PCDHGA7: variants seen among roughly 807,000 people sequenced by gnomAD.
The protein encoded by PCDHGA7 is protocadherin gamma-A7.
Under a neutral mutation model 58.3 loss-of-function variants are expected in PCDHGA7, and 44 were observed. That is an observed-to-expected ratio of 0.75 (90% CI 0.59 to 0.97). The LOEUF (loss-of-function observed/expected upper bound fraction) is 0.97. Among genes scored for constraint, PCDHGA7 ranks in the 50% least tolerant of loss-of-function variants. PCDHGA7 has a pLI of 0.00. For missense variants in PCDHGA7, 1,266 were observed against 1,188.7 expected (o/e 1.06, Z -0.96); for synonymous variants, 516 against 504.2 (o/e 1.02, Z -0.31).
chr5:141,477,502 C>A lies in PCDHGA7; in HGVS notation c.2425-17305C>A, dbSNP rs2099412065. On this transcript the variant is annotated intron_variant, in intron 1 of 3. Coordinates refer to ENST00000518325, the MANE Select transcript of PCDHGA7 (RefSeq NM_018920.4). This position sits in a 1 kb window ranked among gnomAD's most constrained non-coding sequence, Gnocchi z 4.9. ...CTCCACAATCTTCTCAATCTTCCTA[C>A]GACGTTTACATTGAAGAAAACAACC... The A allele has an allele frequency of 9.3e-6, 15 of 1,614,026 alleles. No homozygotes were observed. The highest frequency in any genetic ancestry group is 1.3e-5 in the Non-Finnish European group (15 of 1,180,026).
intron 1 of PCDHGA7, chr5:141,430,546 G>A (rs1323295073): frequency 2.5e-6 from 1 of 402,156 alleles, no homozygotes; most frequent in Non-Finnish European, 4.4e-6. Context: ...GAGCGCCGCT[G>A]TTCACCAATC....
At chr5:141,391,287 A>G (rs1429932607) in intron 1 of PCDHGA7, 1 of 152,126 alleles carries the variant, frequency 6.6e-6, no homozygotes, top group Non-Finnish European at 1.5e-5. Flanking sequence ...TTGCTGAAAG[A>G]AGGAAACGTC....
intron 1 of PCDHGA7, chr5:141,415,696 G>A (rs867312295): frequency 2.9e-6 from 4 of 1,397,470 alleles, no homozygotes; most frequent in Non-Finnish European, 3.8e-6. Flanking sequence ...GGTGGAAAGT[G>A]TAAATGCTAA....
At chr5:141,388,793 T>A (rs1441605740) in intron 1 of PCDHGA7, 2 of 1,613,918 alleles carry the variant, frequency 1.2e-6, no homozygotes, top group Admixed American at 3.3e-5. Flanking sequence ...CTGTTTTAAA[T>A]ACATTAGATT....
chr5:141,425,956 C>T (rs1221085532), intron 1 of PCDHGA7, among the ~76,000 whole-genome samples: 1 of 152,244 alleles, frequency 6.6e-6, no homozygotes, highest in Non-Finnish European at 1.5e-5. Flanking sequence ...ATACATTAGT[C>T]CAACACATCA....
chr5:141,399,946 G>A (rs911365297), intron 1 of PCDHGA7: 1 of 1,612,270 alleles, frequency 6.2e-7, no homozygotes, highest in African/African-American at 1.3e-5. Context: ...CGTGCTGCAG[G>A]CTAGCGAGCC....
chr5:141,387,727 C>T, intron 1 of PCDHGA7: 3 of 1,216,044 alleles, frequency 2.5e-6, no homozygotes, highest in South Asian at 3.2e-5. Context: ...CTCCCCAGCG[C>T]CAGCCTTTAC....
chr5:141,438,681 G>T (rs2098050580), intron 1 of PCDHGA7, among the ~76,000 whole-genome samples: 1 of 142,154 alleles, frequency 7.0e-6, no homozygotes, highest in South Asian at 2.3e-4. Context: ...TGGAGTAGGG[G>T]ATGGAGTCTT....
chr5:141,406,434 A>G (rs1203599965), intron 1 of PCDHGA7, among the ~76,000 whole-genome samples: 1 of 152,238 alleles, frequency 6.6e-6, no homozygotes, highest in Non-Finnish European at 1.5e-5. Context: ...TATTGCTTCT[A>G]TTCTTCCATT....
chr5:141,415,585 C>G (rs1589974529), intron 1 of PCDHGA7: 5 of 1,613,900 alleles, frequency 3.1e-6, no homozygotes, highest in Non-Finnish European at 3.4e-6. Context: ...TTCGAAGTTT[C>G]CTATAGAGGA....
chr5:141,414,862 G>A (rs763491057), intron 1 of PCDHGA7: 1 of 1,614,226 alleles, frequency 6.2e-7, no homozygotes, highest in Non-Finnish European at 8.5e-7. Context: ...GAACGACAAT[G>A]CGCCCGAGAT....
chr5:141,473,974 C>G (rs958240236), intron 1 of PCDHGA7, among the ~76,000 whole-genome samples: 33 of 152,054 alleles, frequency 2.2e-4, no homozygotes, highest in Admixed American at 2.2e-3. Context: ...AAGTCTGAGG[C>G]GGGAGGATCC....
intron 1 of PCDHGA7, chr5:141,394,715 C>T (rs776573423): frequency 6.2e-7 from 1 of 1,613,304 alleles, no homozygotes; most frequent in African/African-American, 1.3e-5. Flanking sequence ...CCCTGCTGGA[C>T]AGAGATGCGC....
intron 1 of PCDHGA7, among the ~76,000 whole-genome samples, chr5:141,436,531 G>A (rs1365651055): frequency 2.6e-5 from 4 of 152,152 alleles, no homozygotes; most frequent in South Asian, 2.1e-4. Flanking sequence ...CCTTTAGCAA[G>A]TTATTTAATC....
In PCDHGA7 at chr5:141,432,927, G is replaced by A; in HGVS notation, c.2424+47604G>A. On this transcript the variant is annotated intron_variant, in intron 1 of 3. Coordinates refer to ENST00000518325, the MANE Select transcript of PCDHGA7 (RefSeq NM_018920.4). This position sits in a 1 kb window ranked among gnomAD's most constrained non-coding sequence, Gnocchi z 6.0. ...AGGCTGCGGCGCTGGCACAAGTCACGCCTGCTGCAGGCTTCAGGAGGCGGC... is the reference window on the plus strand; with the variant it reads ...AGGCTGCGGCGCTGGCACAAGTCACACCTGCTGCAGGCTTCAGGAGGCGGC... 6.2e-7 allele frequency: 1 copy of A among 1,614,162 alleles called. No individual in the cohort carries two copies. Among genetic ancestry groups the A allele is most frequent in the Non-Finnish European group, 8.5e-7 (1 of 1,180,032 alleles).
intron 1 of PCDHGA7, among the ~76,000 whole-genome samples, chr5:141,433,805 C>T (rs1325364387): frequency 1.3e-5 from 2 of 150,004 alleles, no homozygotes; most frequent in South Asian, 4.2e-4. Flanking sequence ...CCATTGCACT[C>T]CAGCCTGGGC....
chr5:141,474,772 G>A (rs1053853138), intron 1 of PCDHGA7, among the ~76,000 whole-genome samples: 2 of 152,182 alleles, frequency 1.3e-5, no homozygotes, highest in Non-Finnish European at 2.9e-5. Flanking sequence ...AATAGTATGA[G>A]GCTCTAACAC....
At position 141,487,937 on chromosome 5, in the gene PCDHGA7, T is replaced by G; in HGVS notation, c.2425-6870T>G. 2 of 603,606 alleles carry G rather than the reference T, an allele frequency of 3.3e-6. No homozygotes were observed. The highest frequency in any genetic ancestry group is 2.9e-6 in the Non-Finnish European group (1 of 345,124). 37.4% of individuals were successfully genotyped at this position (603,606 alleles called of 1,614,324 possible). ...GGAGGCTACAGTGCACAGGGTACAG[T>G]GCACCAGGCAGTCACTTGGACAAAG... On this transcript the variant is annotated intron_variant, in intron 1 of 3. Transcript: ENST00000518325. The surrounding 1 kb of genome is among the most constrained non-coding windows in gnomAD (Gnocchi z 5.0).
At chr5:141,409,988 GC>G in intron 1 of PCDHGA7, 1 of 1,613,278 alleles carries the variant, frequency 6.2e-7, no homozygotes, top group Non-Finnish European at 8.5e-7. Flanking sequence ...AGCGGTGGAC[GC>G]CGACTCGGGA....
Sources: gnomAD v4.1 joint callset for allele counts (sites outside exome capture counted in the v4.1 genomes callset) on GRCh38, gnomAD v4.1.1 for gene constraint, Gnocchi (gnomAD v3.1) non-coding constraint, MANE v1.5 for transcripts, NCBI Gene and HGNC (gene_info 2026-07-23, HGNC 2026-07-21) for gene names.